NRP1: variants seen among roughly 807,000 people sequenced by gnomAD.
NRP1 encodes neuropilin-1.
A neutral mutation model predicts 106.7 loss-of-function variants in NRP1; 35 were observed. The ratio of observed to expected loss-of-function variants is 0.33; its 90% confidence interval spans 0.25 to 0.43. The LOEUF is 0.43. NRP1 is among the 20% of genes least tolerant of loss of function. The pLI is 1.00. For missense variants in NRP1, 1,024 were observed against 1,170.4 expected, an observed-to-expected ratio of 0.87 and a Z score of 1.83; for synonymous variants, 437 against 417.9, an observed-to-expected ratio of 1.05 and a Z score of -0.56.
intron 15 of NRP1, 84 bp from the exon 16 acceptor site, chr10:33,182,832 T>TTCAC: frequency 2.6e-6 from 2 of 758,816 alleles, no homozygotes; most frequent in Non-Finnish European, 2.2e-6. Flanking sequence ...TTTAGGTACA[T>TTCAC]GCACACACAC....
intron 2 of NRP1, among the ~76,000 whole-genome samples, chr10:33,281,137 C>G (rs1844097787): frequency 6.6e-6 from 1 of 151,780 alleles, no homozygotes; most frequent in African/African-American, 2.4e-5. Context: ...GCAACCTCTG[C>G]CTACAAGGTT....
chr10:33,334,473 C>T lies in NRP1; in HGVS notation c.-91G>A. The T allele has an allele frequency of 1.7e-6, 2 of 1,148,368 alleles. No individual in the cohort carries two copies. The highest frequency in any genetic ancestry group is 1.3e-6 in the Non-Finnish European group (1 of 795,236). 71.1% of individuals were successfully genotyped at this position (1,148,368 alleles called of 1,614,324 possible). A position where few individuals can be genotyped will look rare whatever the true frequency, so the allele number is the denominator to read the frequency against. On this transcript the variant is annotated 5_prime_UTR_variant, in exon 1 of 17. Transcript: ENST00000374867. ...AGGAGAATCTAAGCGATCCGAAGAG[C>T]CCCAACTCCGCCTAGAGCTGTACAA... is the stretch of plus-strand genomic sequence containing the variant.
rs1836471253 is a variant in NRP1 at position 33,192,264 on chromosome 10, A to G, written c.2062+17T>C. 1 of 1,606,690 alleles carries G rather than the reference A, an allele frequency of 6.2e-7. No individual in the cohort carries two copies. The highest frequency in any genetic ancestry group is 8.5e-7 in the Non-Finnish European group (1 of 1,175,994). On this transcript the variant is annotated intron_variant, in intron 13 of 16. Transcript: ENST00000374867. ...AGAATCTGCAAAGCCATGCAGCCGAAGTGAACTCTGTGATACCTGTGTGAT... is the reference window on the plus strand; with the variant it reads ...AGAATCTGCAAAGCCATGCAGCCGAGGTGAACTCTGTGATACCTGTGTGAT...
intron 8 of NRP1, among the ~76,000 whole-genome samples, chr10:33,214,418 C>T (rs1399348693): frequency 6.6e-6 from 1 of 152,138 alleles, no homozygotes; most frequent in Non-Finnish European, 1.5e-5. Context: ...ACCAATCATC[C>T]ACTTCCTGCC....
chr10:33,199,191 T>C (rs1329072234), intron 11 of NRP1, among the ~76,000 whole-genome samples: 3 of 151,388 alleles, frequency 2.0e-5, no homozygotes, highest in Non-Finnish European at 4.4e-5. Flanking sequence ...TCTCTAGGTG[T>C]GAGGCTTTGA....
At chr10:33,315,243 T>C (rs1487938978) in intron 2 of NRP1, among the ~76,000 whole-genome samples, 1 of 152,198 alleles carries the variant, frequency 6.6e-6, no homozygotes. Flanking sequence ...ATGTAAAAAT[T>C]CAAGCTTTTA....
At chr10:33,305,548 A>C (rs992772871) in intron 2 of NRP1, among the ~76,000 whole-genome samples, 5 of 152,134 alleles carry the variant, frequency 3.3e-5, no homozygotes, top group Non-Finnish European at 7.4e-5. Flanking sequence ...AATCCTGGGA[A>C]CCAAGTTCTC....
intron 6 of NRP1, among the ~76,000 whole-genome samples, chr10:33,232,938 G>A (rs981270701): frequency 2.6e-5 from 4 of 152,092 alleles, no homozygotes; most frequent in South Asian, 4.1e-4. Context: ...ATGAGCCACC[G>A]TGCCCAGCTG....
intron 10 of NRP1, chr10:33,206,359 T>A: frequency 1.9e-6 from 1 of 518,682 alleles, no homozygotes; most frequent in Non-Finnish European, 3.9e-6. Flanking sequence ...AGTGCCTGGA[T>A]AATTTAGGGG....
chr10:33,185,681 A>T lies in NRP1; in HGVS notation c.2378T>A (p.Ile793Asn). The T allele has an allele frequency of 6.2e-7, 1 of 1,614,208 alleles. No individual in the cohort carries two copies. Among genetic ancestry groups the T allele is most frequent in the Non-Finnish European group, 8.5e-7 (1 of 1,180,022 alleles). ...GEIGKGNLGGIAVDDISINNH... is the reference protein window; with the variant it reads ...GEIGKGNLGGNAVDDISINNH... The stretch of plus-strand genomic sequence containing the variant: ...ATTAATACTAATGTCATCCACAGCA[A>T]TCCCACCAAGGTTTCCTTTTCCGAT... The change falls in exon 15 of 17, where the codon ATT becomes AAT. Residue 793 changes from isoleucine (I) to asparagine (N), a missense_variant. Physicochemically the swap from Ile to Asn is moderately radical, Grantham distance 149. Coordinates refer to ENST00000374867, the MANE Select transcript of NRP1 (RefSeq NM_003873.7).
At chr10:33,250,121 T>A (rs981433971) in intron 6 of NRP1, among the ~76,000 whole-genome samples, 2 of 152,222 alleles carry the variant, frequency 1.3e-5, no homozygotes, top group Admixed American at 1.3e-4. Context: ...TGCATACTTA[T>A]GTGCATATAA....
At chr10:33,249,084 G>GTTTTCTTTTTTT (rs1841642802) in intron 6 of NRP1, among the ~76,000 whole-genome samples, 1 of 72,198 alleles carries the variant, frequency 1.4e-5, no homozygotes, top group Non-Finnish European at 2.5e-5. Context: ...TATGTCTCTT[G>GTTTTCTTTTTTT]TTTTTTTTTT....
chr10:33,206,483 G>A, intron 10 of NRP1: 2 of 318,510 alleles, frequency 6.3e-6, no homozygotes, highest in South Asian at 2.7e-5. Context: ...GGGGTATGGT[G>A]ATTGATAGCT....
At chr10:33,204,149 C>T (rs940958341) in intron 10 of NRP1, among the ~76,000 whole-genome samples, 1 of 152,014 alleles carries the variant, frequency 6.6e-6, no homozygotes, top group Non-Finnish European at 1.5e-5. Flanking sequence ...CTCGTGATGG[C>T]TGAGAACCAT....
chr10:33,316,167 T>A (rs566745267), intron 2 of NRP1, among the ~76,000 whole-genome samples: 1 of 152,318 alleles, frequency 6.6e-6, no homozygotes, highest in East Asian at 1.9e-4. Context: ...TGGAGGCTGA[T>A]GCAATCGCTC....
chr10:33,330,504 T>C (rs1341295587), intron 2 of NRP1, among the ~76,000 whole-genome samples: 1 of 152,208 alleles, frequency 6.6e-6, no homozygotes, highest in African/African-American at 2.4e-5. Flanking sequence ...CTTACACATT[T>C]AACTATAATC....
At chr10:33,281,942 C>T (rs548823208) in intron 2 of NRP1, among the ~76,000 whole-genome samples, 40 of 152,206 alleles carry the variant, frequency 2.6e-4, no homozygotes, top group African/African-American at 9.2e-4. Flanking sequence ...CTATTGTTAT[C>T]TCCCAGGGGA....
chr10:33,218,327 A>G (rs2132861960), intron 8 of NRP1, among the ~76,000 whole-genome samples: 1 of 146,302 alleles, frequency 6.8e-6, no homozygotes, highest in South Asian at 2.2e-4. Flanking sequence ...GGATTACTAT[A>G]TTTCTTTTTT....
chr10:33,191,392 A>G (rs573400189), intron 13 of NRP1, among the ~76,000 whole-genome samples: 5 of 152,266 alleles, frequency 3.3e-5, no homozygotes, highest in Admixed American at 2.0e-4. Flanking sequence ...TACACTTTCA[A>G]TCTTTCCCCA....
Sources: gnomAD v4.1 joint callset for allele counts (sites outside exome capture counted in the v4.1 genomes callset) on GRCh38, gnomAD v4.1.1 for gene constraint, MANE v1.5 for transcripts, NCBI Gene and HGNC (gene_info 2026-07-23, HGNC 2026-07-21) for gene names.